The following MMP26 variants were observed in gnomAD, a reference collection of about 807,000 sequenced individuals.
MMP26 encodes the protein matrix metalloproteinase-26.
MMP26 carries 33 observed loss-of-function variants against 31.0 expected under a neutral mutation model. The ratio of observed to expected loss-of-function variants is 1.06; its 90% CI spans 0.81 to 1.42. The LOEUF (loss-of-function observed/expected upper bound fraction) is 1.42. Ranked by LOEUF, MMP26 falls within the 40% of genes most tolerant of loss-of-function variation. MMP26 has a pLI of 0.00. For synonymous variants in MMP26, 122 were observed against 114.9 expected (o/e 1.06, Z -0.40); for missense variants, 347 against 316.1 (o/e 1.10, Z -0.74).
intron 2 of MMP26, among the ~76,000 whole-genome samples, chr11:4,933,565 G>GTTTTTTTTTTTT (rs71050440): frequency 2.0e-5 from 3 of 149,396 alleles, no homozygotes; most frequent in Non-Finnish European, 1.5e-5. Context: ...TGTTTGTTTT[G>GTTTTTTTTTTTT]TTTTTTTTAT....
intron 2 of MMP26, chr11:4,860,133 T>C: frequency 2.1e-6 from 1 of 471,118 alleles, no homozygotes; most frequent in South Asian, 1.5e-5. Flanking sequence ...TTCCAGTCTT[T>C]CGAATAACAT....
At chr11:4,831,172 T>C (rs1229275257) in intron 2 of MMP26, among the ~76,000 whole-genome samples, 1 of 152,106 alleles carries the variant, frequency 6.6e-6, no homozygotes, top group Non-Finnish European at 1.5e-5. Flanking sequence ...CAATCTCCTC[T>C]TTATCTACAC....
At chr11:4,853,037 A>G (rs1208888792) in intron 2 of MMP26, among the ~76,000 whole-genome samples, 2 of 152,236 alleles carry the variant, frequency 1.3e-5, no homozygotes, top group African/African-American at 4.8e-5. Flanking sequence ...GGTGATTATC[A>G]GGGTTTGAGG....
intron 2 of MMP26, among the ~76,000 whole-genome samples, chr11:4,965,962 A>T (rs1245489362): frequency 6.6e-6 from 1 of 152,160 alleles, no homozygotes. Context: ...ATTACATGAG[A>T]ACATCTTTAA....
chr11:4,787,155 T>G (rs1848958861), intron 2 of MMP26: 2 of 153,226 alleles, frequency 1.3e-5, no homozygotes, highest in Non-Finnish European at 2.9e-5. Context: ...CCCTCAGATA[T>G]GCTACCATCC....
rs1849927082 is a variant in MMP26 at position 4,848,887 on chromosome 11, G to A, written c.-145+81546G>A. On this transcript the variant is annotated intron_variant, in intron 2 of 7. Coordinates refer to ENST00000380390, the MANE Select transcript of MMP26 (RefSeq NM_021801.5). The stretch of plus-strand genomic sequence containing the variant: ...GAAAAGACATGGATAAAAACCATCT[G>A]TAGAAGGCAGGCTGAGGCAGGGACA... 6 of 1,614,170 alleles carry A rather than the reference G, an allele frequency of 3.7e-6. No homozygotes were observed. In the South Asian group the frequency reaches 5.5e-5, roughly 15 times the overall value.
At position 4,759,059 on chromosome 11, in the gene MMP26, C is replaced by T. The variant is rs529549319; in HGVS notation, c.-216-8211C>T. Among the ~76,000 whole-genome samples, 9 of 139,162 alleles carry T rather than the reference C, an allele frequency of 6.5e-5. No individual in the cohort carries two copies. The South Asian group carries it at 1.7e-3, about 27-fold the overall frequency. 91.3% of individuals were successfully genotyped at this position (139,162 alleles called of 152,430 possible). On this transcript the variant is annotated intron_variant, in intron 1 of 7. Transcript: ENST00000380390. ...CCAGGAGGCAGAGATTGCACTGAGC[C>T]GAGATCATGCCACTGCATTCCAGCC...
chr11:4,715,478 A>C (rs1847917608), intron 1 of MMP26, among the ~76,000 whole-genome samples: 1 of 152,132 alleles, frequency 6.6e-6, no homozygotes, highest in Non-Finnish European at 1.5e-5. Context: ...CAAATAGTGG[A>C]TCTAAAATTT....
chr11:4,846,233 A>G (rs1311493909), intron 2 of MMP26, among the ~76,000 whole-genome samples: 1 of 152,204 alleles, frequency 6.6e-6, no homozygotes, highest in African/African-American at 2.4e-5. Context: ...AAAATGAATG[A>G]GATCCTATCA....
chr11:4,848,572 C>A (rs561747618), intron 2 of MMP26: 7 of 1,607,730 alleles, frequency 4.4e-6, no homozygotes, highest in South Asian at 3.3e-5. Flanking sequence ...AAACCCATGG[C>A]TGAAAGAACC....
At chr11:4,717,449 C>T (rs975322240) in intron 1 of MMP26, among the ~76,000 whole-genome samples, 2 of 151,070 alleles carry the variant, frequency 1.3e-5, no homozygotes, top group African/African-American at 4.9e-5. Flanking sequence ...ATAGTTGTAG[C>T]GGAAGAAGAG....
At chr11:4,752,676 A>G (rs1015664762) in intron 1 of MMP26, 12 of 152,346 alleles carry the variant, frequency 7.9e-5, no homozygotes, top group African/African-American at 2.9e-4. Flanking sequence ...AATGAAGAAC[A>G]TCTGTGATAA....
chr11:4,748,764 C>T (rs1168563009), intron 1 of MMP26, among the ~76,000 whole-genome samples: 1 of 151,760 alleles, frequency 6.6e-6, no homozygotes, highest in Non-Finnish European at 1.5e-5. Flanking sequence ...AAAAAACCCT[C>T]AAGAAACTAG....
intron 1 of MMP26, among the ~76,000 whole-genome samples, chr11:4,762,549 T>C (rs1848580686): frequency 6.6e-6 from 1 of 152,170 alleles, no homozygotes. Flanking sequence ...TATAGATTAC[T>C]TATTGGGACC....
At chr11:4,969,823 T>C (rs1460164658) in intron 2 of MMP26, among the ~76,000 whole-genome samples, 2 of 152,278 alleles carry the variant, frequency 1.3e-5, no homozygotes, top group Middle Eastern at 3.4e-3. Context: ...AGGGTTTTTA[T>C]TAAGCAAACG....
At chr11:4,927,166 C>T (rs558559850) in intron 2 of MMP26, among the ~76,000 whole-genome samples, 1 of 152,276 alleles carries the variant, frequency 6.6e-6, no homozygotes, top group Admixed American at 6.5e-5. Context: ...CTCCCTCTGG[C>T]TCCTGTTCCT....
chr11:4,923,551 CACAAGAG>C lies in MMP26; in HGVS notation c.-144-64511_-144-64505del, dbSNP rs762582022. The stretch of plus-strand genomic sequence containing the variant: ...GGGGCAGATGTTCACCAAAGCGATG[CACAAGAG>C]ACAAGCCAATCATGGGGATGTAGAA... On this transcript the variant is annotated intron_variant, in intron 2 of 7. Coordinates refer to ENST00000380390, the MANE Select transcript of MMP26 (RefSeq NM_021801.5). 11 of 1,613,934 alleles carry C rather than the reference CACAAGAG, an allele frequency of 6.8e-6. No homozygotes were observed. In the African/African-American group the frequency reaches 1.5e-4, roughly 22 times the overall value.
At chr11:4,881,008 G>A (rs1850453428) in intron 2 of MMP26, among the ~76,000 whole-genome samples, 1 of 152,058 alleles carries the variant, frequency 6.6e-6, no homozygotes, top group African/African-American at 2.4e-5. Flanking sequence ...TATATGAATG[G>A]GCAGATGCTA....
At chr11:4,874,999 A>G (rs187077522) in intron 2 of MMP26, among the ~76,000 whole-genome samples, 16 of 152,204 alleles carry the variant, frequency 1.1e-4, no homozygotes, top group Admixed American at 8.5e-4. Flanking sequence ...AGAAACAGGA[A>G]AAAAAGTCAA....
Sources: gnomAD v4.1 joint callset for allele counts (sites outside exome capture counted in the v4.1 genomes callset) on GRCh38, gnomAD v4.1.1 for gene constraint, MANE v1.5 for transcripts, NCBI Gene and HGNC (gene_info 2026-07-23, HGNC 2026-07-21) for gene names.